The following SPATA18 variants were observed in gnomAD, a reference collection of about 807,000 sequenced individuals.
The protein encoded by SPATA18 is mitochondria-eating protein.
A neutral mutation model predicts 68.1 loss-of-function variants in SPATA18; 54 were observed. The ratio of observed to expected loss-of-function variants is 0.79; its 90% CI spans 0.64 to 0.99. The LOEUF is 0.99. Ranked by LOEUF, SPATA18 falls within the 50% of genes least tolerant of loss-of-function variation. SPATA18 has a pLI of 0.00. For missense variants in SPATA18, 724 were observed against 681.1 expected (o/e 1.06, Z -0.70); for synonymous variants, 242 against 244.8 (o/e 0.99, Z 0.11).
intron 4 of SPATA18, among the ~76,000 whole-genome samples, chr4:52,065,162 G>A (rs1426176706): frequency 6.6e-6 from 1 of 151,726 alleles, no homozygotes; most frequent in Non-Finnish European, 1.5e-5. Context: ...GTAGATTCTG[G>A]ATATTAGTTC....
chr4:52,078,979 T>A, intron 8 of SPATA18, 86 bp downstream of exon 8: 1 of 1,310,920 alleles, frequency 7.6e-7, no homozygotes, highest in Non-Finnish European at 1.0e-6. Flanking sequence ...ATCCATCCAG[T>A]ATTTAGTATT....
At chr4:52,084,577 C>T (rs1282408536) in intron 10 of SPATA18, among the ~76,000 whole-genome samples, 11 of 152,136 alleles carry the variant, frequency 7.2e-5, no homozygotes, top group African/African-American at 1.7e-4. Context: ...AAAACAGATA[C>T]AAATCTCTAC....
chr4:52,074,096 TC>T (rs1689073762), intron 6 of SPATA18, among the ~76,000 whole-genome samples: 1 of 152,148 alleles, frequency 6.6e-6, no homozygotes, highest in African/African-American at 2.4e-5. Flanking sequence ...TTGCGATAGT[TC>T]CCACAACTCT....
intron 11 of SPATA18, among the ~76,000 whole-genome samples, chr4:52,086,330 T>C (rs1388560487): frequency 6.6e-6 from 1 of 152,222 alleles, no homozygotes; most frequent in Non-Finnish European, 1.5e-5. Context: ...TACATAGGTA[T>C]ACACGTGCCC....
chr4:52,091,898 T>C (rs1228683201), intron 11 of SPATA18, among the ~76,000 whole-genome samples: 1 of 152,158 alleles, frequency 6.6e-6, no homozygotes, highest in African/African-American at 2.4e-5. Context: ...TTTACAGAGA[T>C]GCCCTGTCCA....
At position 52,071,670 on chromosome 4, in the gene SPATA18, CT is replaced by C. The variant is rs1261174233; in HGVS notation, c.519-244del. Among the ~76,000 whole-genome samples the C allele has an allele frequency of 2.6e-5, 4 of 152,190 alleles. No homozygotes were observed. In the East Asian group the frequency reaches 7.7e-4, roughly 29 times the overall value. On this transcript the variant is annotated intron_variant, in intron 5 of 12. Coordinates refer to ENST00000295213, the MANE Select transcript of SPATA18 (RefSeq NM_145263.4). The stretch of plus-strand genomic sequence containing the variant: ...TTGCTAGAGGATCTGCATGAGTGTC[CT>C]TTCTTTAGGAACTTTTCCCCATGCA...
intron 1 of SPATA18, among the ~76,000 whole-genome samples, chr4:52,055,896 G>A (rs1738295988): frequency 6.6e-6 from 1 of 152,156 alleles, no homozygotes. Flanking sequence ...CAGGGCAGGA[G>A]ACATTGTGTC....
Position 52,096,167 on chromosome 4 carries a change from A to G in SPATA18, c.*1280A>G, listed in dbSNP as rs1238712433. 1 of 152,180 alleles carries G rather than the reference A, an allele frequency of 6.6e-6. No homozygotes were observed. The highest frequency in any genetic ancestry group is 1.9e-4 in the East Asian group (1 of 5,198). 9.4% of individuals were successfully genotyped at this position (152,180 alleles called of 1,614,324 possible). A position where few individuals can be genotyped will look rare whatever the true frequency, so the allele number is the denominator to read the frequency against. ...CTTCAGTGCCTGCCCCTTGAGTCTA[A>G]TGGTCACCACCTCATTCTGAAGTAT... On this transcript the variant is annotated 3_prime_UTR_variant, in exon 13 of 13. Coordinates refer to ENST00000295213, the MANE Select transcript of SPATA18 (RefSeq NM_145263.4).
intron 5 of SPATA18, among the ~76,000 whole-genome samples, chr4:52,070,645 T>A (rs1739747173): frequency 6.6e-6 from 1 of 152,068 alleles, no homozygotes; most frequent in African/African-American, 2.4e-5. Flanking sequence ...GTAACTAACC[T>A]GCACATTGTG....
chr4:52,087,242 C>T (rs1741516314), intron 11 of SPATA18, among the ~76,000 whole-genome samples: 2 of 152,236 alleles, frequency 1.3e-5, no homozygotes, highest in Middle Eastern at 3.4e-3. Flanking sequence ...ATGACAGTTT[C>T]TTTTGCTGTG....
chr4:52,080,266 A>G (rs1740806582), intron 9 of SPATA18, among the ~76,000 whole-genome samples: 1 of 152,162 alleles, frequency 6.6e-6, no homozygotes, highest in African/African-American at 2.4e-5. Context: ...GATCACCTGC[A>G]TCAGAATTAC....
chr4:52,090,470 G>A (rs1385323196), intron 11 of SPATA18, among the ~76,000 whole-genome samples: 1 of 152,118 alleles, frequency 6.6e-6, no homozygotes, highest in Non-Finnish European at 1.5e-5. Context: ...TTGTAAGGCA[G>A]GTCTGGTGAT....
intron 1 of SPATA18, among the ~76,000 whole-genome samples, chr4:52,055,387 AGTGATTCTC>A (rs1738251124): frequency 6.6e-6 from 1 of 152,176 alleles, no homozygotes. Context: ...TGCCAATACT[AGTGATTCTC>A]AACACAGGCA....
At chr4:52,076,687 G>C in intron 6 of SPATA18, 92 bp from the exon 7 acceptor site, 1 of 1,545,260 alleles carries the variant, frequency 6.5e-7, no homozygotes. Flanking sequence ...TTTTGCCTCC[G>C]GATGGTCGGA....
chr4:52,062,061 T>C (rs1009441223), intron 3 of SPATA18, among the ~76,000 whole-genome samples, 159 bp from the exon 4 acceptor site: 5 of 152,194 alleles, frequency 3.3e-5, no homozygotes, highest in African/African-American at 1.2e-4. Flanking sequence ...TCTTCTGATT[T>C]TTATCACTCT....
At chr4:52,086,097 G>T (rs1741408051) in intron 11 of SPATA18, among the ~76,000 whole-genome samples, 1 of 152,086 alleles carries the variant, frequency 6.6e-6, no homozygotes, top group Admixed American at 6.6e-5. Context: ...GTCCAACCTT[G>T]TTTAGAGAGA....
At chr4:52,075,745 A>C (rs1427070841) in intron 6 of SPATA18, among the ~76,000 whole-genome samples, 1 of 152,218 alleles carries the variant, frequency 6.6e-6, no homozygotes, top group Non-Finnish European at 1.5e-5. Context: ...TTGGGCCGGC[A>C]TCAGCGGCCC....
At chr4:52,068,870 A>ATT (rs200279551) in intron 4 of SPATA18, among the ~76,000 whole-genome samples, 1 of 147,902 alleles carries the variant, frequency 6.8e-6, no homozygotes, top group East Asian at 2.0e-4. Flanking sequence ...TCTCACTTCC[A>ATT]TTTTTTTTTT....
intron 4 of SPATA18, among the ~76,000 whole-genome samples, chr4:52,066,195 G>A (rs759331366): frequency 6.6e-6 from 1 of 152,164 alleles, no homozygotes; most frequent in Non-Finnish European, 1.5e-5. Context: ...CTGTCACCCA[G>A]GCTGGGGTGC....
Sources: gnomAD v4.1 joint callset for allele counts (sites outside exome capture counted in the v4.1 genomes callset) on GRCh38, gnomAD v4.1.1 for gene constraint, MANE v1.5 for transcripts, NCBI Gene and HGNC (gene_info 2026-07-23, HGNC 2026-07-21) for gene names.